Variants in PELP1 observed in about 807,000 individuals in gnomAD.
PELP1 encodes the protein proline, glutamate and leucine rich protein 1.
Under a neutral mutation model 95.5 loss-of-function variants are expected in PELP1, and 32 were observed. The observed-to-expected ratio is 0.34, with a 90% CI of 0.25 to 0.45. PELP1 has a LOEUF of 0.45. Among genes scored for constraint, PELP1 ranks in the 20% least tolerant of loss-of-function variants. The pLI is 1.00. For synonymous variants in PELP1, 668 were observed against 600.1 expected (o/e 1.11, Z -1.65); for missense variants, 1,358 against 1,444.8 (o/e 0.94, Z 0.97).
chr17:4,671,215 T>G lies in PELP1; in HGVS notation c.*224A>C. ...TCCTACAATTCTGACACCATCGTGC[T>G]GAGTGATGGGACAGTCCATTACACC... On this transcript the variant is annotated 3_prime_UTR_variant, in exon 17 of 17. Transcript: ENST00000572293. 3.5e-6 allele frequency: 2 copies of G among 573,838 alleles called. No individual in the cohort carries two copies. The highest frequency in any genetic ancestry group is 6.2e-6 in the Non-Finnish European group (2 of 322,942). 35.5% of individuals were successfully genotyped at this position (573,838 alleles called of 1,614,324 possible). A position where few individuals can be genotyped will look rare whatever the true frequency, so the allele number is the denominator to read the frequency against.
chr17:4,683,925 G>C (rs1341976195), intron 3 of PELP1, among the ~76,000 whole-genome samples: 1 of 146,816 alleles, frequency 6.8e-6, no homozygotes, highest in Non-Finnish European at 1.5e-5. Context: ...CGCAGCCCTG[G>C]AAAGATTTTC....
Position 4,672,417 on chromosome 17 carries a change from G to A in PELP1, c.2574C>T (p.Pro858=). 1 of 1,568,344 alleles carries A rather than the reference G, an allele frequency of 6.4e-7. No individual in the cohort carries two copies. Among genetic ancestry groups the A allele is most frequent in the Non-Finnish European group, 8.6e-7 (1 of 1,156,454 alleles). ...PVPGPVTLPP[P]QLVPEGTPGG... ...CAGGAGTCCCTTCAGGGACCAACTG[G>A]GGTGGAGGGAGCGTCACAGGACCAG... is the stretch of plus-strand genomic sequence containing the variant. Residue 858 remains proline (P), a synonymous_variant, in exon 16 of 17, where the codon CCC becomes CCT. Coordinates refer to ENST00000572293, the MANE Select transcript of PELP1 (RefSeq NM_014389.3).
Position 4,704,083 on chromosome 17 carries a change from G to A in PELP1, c.29C>T (p.Ser10Phe), listed in dbSNP as rs773079944. The change falls in exon 1 of 17, where the codon TCT (serine) becomes TTT (phenylalanine). Residue 10 changes from serine (S) to phenylalanine (F), a missense_variant. Around this residue, in one of 7 missense-constraint regions of PELP1, gnomAD observed 169 missense variants for 134.9 expected, o/e 1.25. Transcript: ENST00000572293. MAAAVLSGP[S>F]AGSAAGVPGG... ...AGGAACCCCAGCCGCGGAGCCCGCA[G>A]AGGGCCCACTCAGAACGGCTGCCGC... 43 of 1,610,882 alleles carry A rather than the reference G, an allele frequency of 2.7e-5. No individual in the cohort carries two copies. The highest frequency in any genetic ancestry group is 3.3e-4 in the Middle Eastern group (2 of 6,076).
chr17:4,696,032 GAA>G (rs35433764), intron 1 of PELP1, among the ~76,000 whole-genome samples: 117,815 of 144,856 alleles, frequency 0.81, 49,945 homozygotes, highest in Non-Finnish European at 0.94. Context: ...TCCAGGAAAA[GAA>G]AAAAAAAAAA....
rs777783204 is a variant in PELP1, at chr17:4,676,108, C to T, written c.908G>A (p.Gly303Asp). Reference sequence around the variant, plus strand: ...AAGCTGGAGAAGGACATGGGCATCACCATCTTCTGAGGACAGCAGCATCTC... The same window carrying T: ...AAGCTGGAGAAGGACATGGGCATCATCATCTTCTGAGGACAGCAGCATCTC... ...GVEMLLSSEDGDAHVLLQLRQ... is the reference protein window; with the variant it reads ...GVEMLLSSEDDDAHVLLQLRQ... The change falls in exon 8 of 17, where the codon GGT (glycine) becomes GAT (aspartate). Residue 303 changes from glycine (G) to aspartate (D), a missense_variant. Coordinates refer to ENST00000572293, the MANE Select transcript of PELP1 (RefSeq NM_014389.3). 1.9e-6 allele frequency: 3 copies of T among 1,614,018 alleles called. No individual in the cohort carries two copies. Among genetic ancestry groups the T allele is most frequent in the Non-Finnish European group, 2.5e-6 (3 of 1,179,900 alleles).
intron 5 of PELP1, among the ~76,000 whole-genome samples, chr17:4,681,419 A>G (rs1162893687): frequency 6.6e-6 from 1 of 151,992 alleles, no homozygotes; most frequent in East Asian, 1.9e-4. Context: ...CTAAGGCATG[A>G]GAATCACTTG....
At chr17:4,690,323 C>T (rs1039727906) in intron 3 of PELP1, among the ~76,000 whole-genome samples, 11 of 152,084 alleles carry the variant, frequency 7.2e-5, no homozygotes, top group Non-Finnish European at 1.6e-4. Context: ...TTGAGTACAA[C>T]GTACACTGCT....
intron 5 of PELP1, among the ~76,000 whole-genome samples, chr17:4,677,786 C>T (rs1367281763): frequency 2.0e-5 from 3 of 151,986 alleles, no homozygotes; most frequent in South Asian, 2.1e-4. Flanking sequence ...AAAACTTAGC[C>T]GGGTGTGGTG....
Position 4,672,802 on chromosome 17 carries a change from T to C in PELP1, c.2189A>G (p.His730Arg), listed in dbSNP as rs748673923. Residue 730 changes from histidine (H) to arginine (R), a missense_variant, in exon 16 of 17, where the codon CAC (histidine) becomes CGC (arginine). Physicochemically the swap from His to Arg is conservative, Grantham distance 29. Transcript: ENST00000572293. ...PPRLLPGPEN[H>R]RAGSNEDPIL... ...GGGGTCCTCATTTGAGCCTGCCCGGTGGTTCTCAGGGCCAGGAAGAAGCCG... is the reference window on the plus strand; with the variant it reads ...GGGGTCCTCATTTGAGCCTGCCCGGCGGTTCTCAGGGCCAGGAAGAAGCCG... The C allele has an allele frequency of 3.1e-6, 5 of 1,613,538 alleles. No homozygotes were observed. The highest frequency in any genetic ancestry group is 4.2e-6 in the Non-Finnish European group (5 of 1,179,740).
chr17:4,675,365 G>A lies in PELP1; in HGVS notation c.1069-3C>T. ...AGGGGACCATCTCCATGCAAGCTCT[G>A]GAGAAAAAAGGGGCAGAGATAAAGA... On this transcript the variant is annotated splice_polypyrimidine_tract_variant and splice_region_variant and intron_variant, in intron 9 of 16. Coordinates refer to ENST00000572293, the MANE Select transcript of PELP1 (RefSeq NM_014389.3). The surrounding 1 kb of genome is among the most constrained non-coding windows in gnomAD (Gnocchi z 4.3). 1 of 1,486,300 alleles carries A rather than the reference G, an allele frequency of 6.7e-7. No individual in the cohort carries two copies. Among genetic ancestry groups the A allele is most frequent in the Non-Finnish European group, 9.2e-7 (1 of 1,088,854 alleles). The allele number at this position is 1,486,300 out of a possible 1,614,324, so 92.1% of individuals were successfully genotyped here.
chr17:4,669,883 AG>A lies in PELP1; in HGVS notation c.*1555del, dbSNP rs1912131038. ...TTGTGCAGAAAAACATTCTTATCTT[AG>A]AAGATAATTCATGTTAAAGAATCTG... On this transcript the variant is annotated 3_prime_UTR_variant, in exon 17 of 17. Coordinates refer to ENST00000572293, the MANE Select transcript of PELP1 (RefSeq NM_014389.3). The A allele has an allele frequency of 6.6e-6, 1 of 152,160 alleles. No homozygotes were observed. The highest frequency in any genetic ancestry group is 1.5e-5 in the Non-Finnish European group (1 of 68,020). 9.4% of individuals were successfully genotyped at this position (152,160 alleles called of 1,614,324 possible). A position where few individuals can be genotyped will look rare whatever the true frequency, so the allele number is the denominator to read the frequency against.
Position 4,687,066 on chromosome 17 carries a change from C to A in PELP1, c.420+3822G>T, listed in dbSNP as rs144728755. On this transcript the variant is annotated intron_variant, in intron 3 of 16. Coordinates refer to ENST00000572293, the MANE Select transcript of PELP1 (RefSeq NM_014389.3). ...TGGCACATTAGAACACTTTCTTAACCCAATTAACTTCTATTGATCAGTTCA... is the reference window on the plus strand; with the variant it reads ...TGGCACATTAGAACACTTTCTTAACACAATTAACTTCTATTGATCAGTTCA... Among the ~76,000 whole-genome samples the A allele has an allele frequency of 7.9e-5, 12 of 152,210 alleles. No individual in the cohort carries two copies. In the East Asian group the frequency reaches 2.3e-3, roughly 29 times the overall value.
intron 5 of PELP1, 77 bp from the exon 6 acceptor site, chr17:4,676,889 G>T: frequency 9.1e-7 from 1 of 1,102,640 alleles, no homozygotes; most frequent in Non-Finnish European, 1.3e-6. Context: ...TCCGTTCCCA[G>T]CAGCAGACTC....
At chr17:4,691,598 TC>T (rs1411290032) in intron 1 of PELP1, among the ~76,000 whole-genome samples, 156 bp from the exon 2 acceptor site, 1 of 152,164 alleles carries the variant, frequency 6.6e-6, no homozygotes. Context: ...CTTGAGCTTT[TC>T]CCCTTTTTTC....
intron 1 of PELP1, among the ~76,000 whole-genome samples, chr17:4,697,368 G>A (rs928526161): frequency 2.0e-5 from 3 of 152,128 alleles, no homozygotes; most frequent in African/African-American, 7.2e-5. Context: ...AAACAGATTA[G>A]CTGGGTGTGG....
intron 1 of PELP1, among the ~76,000 whole-genome samples, chr17:4,702,444 T>C (rs1014821863): frequency 2.0e-5 from 3 of 152,044 alleles, no homozygotes; most frequent in African/African-American, 4.8e-5. Context: ...TCTGGGACTA[T>C]TGTGAGATAA....
intron 3 of PELP1, among the ~76,000 whole-genome samples, chr17:4,688,106 A>AGTC (rs1912970180): frequency 1.3e-5 from 2 of 152,204 alleles, no homozygotes; most frequent in South Asian, 4.1e-4. Context: ...AGGCCGAGGC[A>AGTC]GTCAGATCAC....
chr17:4,692,015 G>A (rs1451152045), intron 1 of PELP1, among the ~76,000 whole-genome samples: 1 of 152,074 alleles, frequency 6.6e-6, no homozygotes, highest in African/African-American at 2.4e-5. Flanking sequence ...CAAATGGCCA[G>A]CCTCCTCTCA....
intron 1 of PELP1, among the ~76,000 whole-genome samples, chr17:4,694,245 G>C (rs1913209513): frequency 6.6e-6 from 1 of 152,108 alleles, no homozygotes; most frequent in Non-Finnish European, 1.5e-5. Flanking sequence ...GGGAATGACT[G>C]TAAGTGGGTA....
Sources: gnomAD v4.1 joint callset for allele counts (sites outside exome capture counted in the v4.1 genomes callset) on GRCh38, gnomAD v4.1.1 for gene constraint, gnomAD v4.1.1 regional missense constraint, Gnocchi (gnomAD v3.1) non-coding constraint, MANE v1.5 for transcripts, NCBI Gene and HGNC (gene_info 2026-07-23, HGNC 2026-07-21) for gene names.